GBP7: variants seen among roughly 807,000 people sequenced by gnomAD.
The protein encoded by GBP7 is guanylate-binding protein 7.
GBP7 carries 43 observed loss-of-function variants against 61.3 expected under a neutral mutation model. The ratio of observed to expected loss-of-function variants is 0.70; its 90% CI spans 0.55 to 0.91. GBP7 has a LOEUF of 0.91. Ranked by LOEUF, GBP7 falls within the 40% of genes least tolerant of loss-of-function variation. GBP7 has a pLI of 0.00. For synonymous variants in GBP7, 267 were observed against 271.0 expected (o/e 0.99, Z 0.14); for missense variants, 717 against 740.5 (o/e 0.97, Z 0.37).
chr1:89,150,629 A>G, intron 5 of GBP7, 54 bp from the exon 6 acceptor site: 1 of 1,575,556 alleles, frequency 6.3e-7, no homozygotes, highest in Non-Finnish European at 8.6e-7. Flanking sequence ...AGTGAGCCTG[A>G]AGATTTTCAT....
chr1:89,137,828 A>AT (rs2100636813), intron 9 of GBP7, among the ~76,000 whole-genome samples: 1 of 152,180 alleles, frequency 6.6e-6, no homozygotes, highest in Non-Finnish European at 1.5e-5. Context: ...GGAAAAAAAA[A>AT]GTTATCCAAT....
intron 2 of GBP7, among the ~76,000 whole-genome samples, chr1:89,167,578 G>T (rs1647477561): frequency 6.6e-6 from 1 of 152,170 alleles, no homozygotes; most frequent in Non-Finnish European, 1.5e-5. Context: ...ACATAGGCAT[G>T]GGTTGACCAA....
chr1:89,164,248 A>G (rs116043106), intron 3 of GBP7, among the ~76,000 whole-genome samples: 2,511 of 152,282 alleles, frequency 0.016, 65 homozygotes, highest in African/African-American at 0.056. Flanking sequence ...TCAAGCCTAC[A>G]AACCCCACAC....
In GBP7 at chr1:89,152,180, T is replaced by A. The variant is rs545895316; in HGVS notation, c.625+88A>T. On this transcript the variant is annotated intron_variant, in intron 5 of 10. Coordinates refer to ENST00000294671, the MANE Select transcript of GBP7 (RefSeq NM_207398.3). The stretch of plus-strand genomic sequence containing the variant: ...GCAAGGGCCTCAATCCAGTCCAATA[T>A]AAAAATTTGTGTCAGGTGTTGAACG... 14 of 1,141,104 alleles carry A rather than the reference T, an allele frequency of 1.2e-5. No homozygotes were observed. In the Admixed American group the frequency reaches 2.3e-4, roughly 19 times the overall value. 70.7% of individuals were successfully genotyped at this position (1,141,104 alleles called of 1,614,324 possible). A position where few individuals can be genotyped will look rare whatever the true frequency, so the allele number is the denominator to read the frequency against.
At chr1:89,158,268 A>G (rs951573043) in intron 3 of GBP7, among the ~76,000 whole-genome samples, 2 of 152,264 alleles carry the variant, frequency 1.3e-5, no homozygotes, top group African/African-American at 4.8e-5. Flanking sequence ...TGAATGGGCA[A>G]AAACTGGAAG....
chr1:89,170,310 C>A (rs547204290), intron 2 of GBP7, among the ~76,000 whole-genome samples: 10 of 152,302 alleles, frequency 6.6e-5, no homozygotes, highest in African/African-American at 2.4e-4. Flanking sequence ...TTTCTTTAAG[C>A]TTTGTACCTG....
chr1:89,141,723 A>C (rs1216143680), intron 8 of GBP7, 75 bp from the exon 9 acceptor site: 3 of 1,114,784 alleles, frequency 2.7e-6, no homozygotes, highest in Non-Finnish European at 4.1e-6. Flanking sequence ...TTATTGTTCA[A>C]CAAAGCCACA....
chr1:89,170,107 T>C (rs1161314852), intron 2 of GBP7, among the ~76,000 whole-genome samples: 1 of 152,208 alleles, frequency 6.6e-6, no homozygotes, highest in Non-Finnish European at 1.5e-5. Context: ...GTTAGCACTC[T>C]CGGCTTTAAT....
intron 2 of GBP7, among the ~76,000 whole-genome samples, chr1:89,170,857 G>T (rs2100662527): frequency 6.6e-6 from 1 of 152,230 alleles, no homozygotes; most frequent in South Asian, 2.1e-4. Context: ...TCTTGCAAGT[G>T]GCCTTACTTG....
chr1:89,150,588 T>A lies in GBP7; in HGVS notation c.626-13A>T. ...TGGGGATTCTTGCCTGCAGAATTAGTGAAAAAGTGACTACTGAAGAACAGG... is the reference window on the plus strand; with the variant it reads ...TGGGGATTCTTGCCTGCAGAATTAGAGAAAAAGTGACTACTGAAGAACAGG... On this transcript the variant is annotated splice_polypyrimidine_tract_variant and intron_variant, in intron 5 of 10. Transcript: ENST00000294671. 6.2e-7 allele frequency: 1 copy of A among 1,611,732 alleles called. No individual in the cohort carries two copies. The highest frequency in any genetic ancestry group is 1.7e-5 in the Admixed American group (1 of 59,586).
In GBP7 at chr1:89,146,928, G is replaced by A. The variant is rs373807472; in HGVS notation, c.1365+639C>T. 5.1e-4 allele frequency among the ~76,000 whole-genome samples: 78 copies of A among 152,292 alleles called. 6 individuals are homozygous for A. Among genetic ancestry groups the A allele is most frequent in the African/African-American group, 9.9e-4 (41 of 41,560 alleles). The stretch of plus-strand genomic sequence containing the variant: ...AGGAAAATCCTGAGTTTCCAGTGGC[G>A]TTCAAGTACATAGATCAGCCCATCA... On this transcript the variant is annotated intron_variant, in intron 8 of 10. Transcript: ENST00000294671.
At chr1:89,149,644 G>A (rs1255324094) in intron 6 of GBP7, 72 bp from the exon 7 acceptor site, 2 of 1,311,224 alleles carry the variant, frequency 1.5e-6, no homozygotes, top group Non-Finnish European at 2.1e-6. Flanking sequence ...GTATGTATCA[G>A]CATTCTAAAA....
At chr1:89,144,723 CT>C (rs1260489757) in intron 8 of GBP7, among the ~76,000 whole-genome samples, 1 of 151,858 alleles carries the variant, frequency 6.6e-6, no homozygotes, top group Admixed American at 6.6e-5. Context: ...ATGCAGTTAT[CT>C]TTTTTTTGTG....
chr1:89,155,839 T>C (rs572176269), intron 3 of GBP7, among the ~76,000 whole-genome samples: 1 of 152,168 alleles, frequency 6.6e-6, no homozygotes, highest in East Asian at 1.9e-4. Context: ...AACATTCAAA[T>C]TCAGGAAATA....
Position 89,134,727 on chromosome 1 carries a change from A to C in GBP7, c.1469-1276T>G, listed in dbSNP as rs140657272. On this transcript the variant is annotated intron_variant, in intron 9 of 10. Transcript: ENST00000294671. ...AACAGACACTTCAAAGACTAAAGGA[A>C]TATCAGCCCACACAGATGAGAAAGA... Among the ~76,000 whole-genome samples, 23 of 152,354 alleles carry C rather than the reference A, an allele frequency of 1.5e-4. No homozygotes were observed. The East Asian group carries it at 4.2e-3, about 28-fold the overall frequency.
chr1:89,155,388 T>C (rs955987455), intron 3 of GBP7, among the ~76,000 whole-genome samples: 3 of 152,030 alleles, frequency 2.0e-5, no homozygotes, highest in Non-Finnish European at 4.4e-5. Context: ...CTTCAGACAA[T>C]CAGTAGTAAC....
At chr1:89,138,462 A>G (rs1464705461) in intron 9 of GBP7, among the ~76,000 whole-genome samples, 1 of 152,108 alleles carries the variant, frequency 6.6e-6, no homozygotes, top group Non-Finnish European at 1.5e-5. Flanking sequence ...TGGTCAAAAA[A>G]CAAAACAAAA....
At chr1:89,172,507 T>A (rs1051759175) in intron 1 of GBP7, among the ~76,000 whole-genome samples, 1 of 152,264 alleles carries the variant, frequency 6.6e-6, no homozygotes, top group Non-Finnish European at 1.5e-5. Context: ...TGATGTTTCC[T>A]CATTGATTGA....
intron 2 of GBP7, among the ~76,000 whole-genome samples, chr1:89,166,567 T>C (rs567651324): frequency 6.6e-6 from 1 of 152,344 alleles, no homozygotes; most frequent in African/African-American, 2.4e-5. Context: ...TAAAAAGTTA[T>C]ACCTTGGACT....
Sources: gnomAD v4.1 joint callset for allele counts (sites outside exome capture counted in the v4.1 genomes callset) on GRCh38, gnomAD v4.1.1 for gene constraint, MANE v1.5 for transcripts, NCBI Gene and HGNC (gene_info 2026-07-23, HGNC 2026-07-21) for gene names.